The following ST6GALNAC5 variants were observed in gnomAD, a reference collection of about 807,000 sequenced individuals.
ST6GALNAC5 encodes alpha-N-acetylgalactosaminide alpha-2,6-sialyltransferase 5.
Under a neutral mutation model 33.6 loss-of-function variants are expected in ST6GALNAC5, and 27 were observed. The ratio of observed to expected loss-of-function variants is 0.80; its 90% CI spans 0.59 to 1.11. The LOEUF (loss-of-function observed/expected upper bound fraction) is 1.11, where lower values mean the gene tolerates loss of function less well. Among genes scored for constraint, ST6GALNAC5 ranks in the 50% least tolerant of loss-of-function variants. The probability of loss-of-function intolerance (pLI) is 0.00; values close to 1 mark genes in which losing one functional copy is unlikely to be tolerated. For missense variants in ST6GALNAC5, 428 were observed against 454.0 expected (o/e 0.94, Z 0.52); for synonymous variants, 194 against 171.2 (o/e 1.13, Z -1.04).
chr1:76,979,444 A>G (rs1237806664), intron 2 of ST6GALNAC5, among the ~76,000 whole-genome samples: 1 of 152,240 alleles, frequency 6.6e-6, no homozygotes, highest in African/African-American at 2.4e-5. Flanking sequence ...AGAATAATGA[A>G]ACAGAATAGA....
intron 2 of ST6GALNAC5, among the ~76,000 whole-genome samples, chr1:76,992,519 G>A (rs967697971): frequency 3.3e-5 from 5 of 151,650 alleles, no homozygotes; most frequent in African/African-American, 4.9e-5. Flanking sequence ...ATTTGAGACC[G>A]GTTCTGGCTC....
chr1:76,995,140 G>A (rs1649879803), intron 2 of ST6GALNAC5, among the ~76,000 whole-genome samples: 1 of 152,144 alleles, frequency 6.6e-6, no homozygotes, highest in South Asian at 2.1e-4. Context: ...GCTCACACCT[G>A]TAATCCCAGC....
chr1:77,053,662 A>G (rs1652300069), intron 4 of ST6GALNAC5, among the ~76,000 whole-genome samples: 1 of 152,200 alleles, frequency 6.6e-6, no homozygotes, highest in Non-Finnish European at 1.5e-5. Context: ...GACAATTATC[A>G]TATAAACTCT....
intron 2 of ST6GALNAC5, among the ~76,000 whole-genome samples, chr1:76,879,973 A>G (rs1002264903): frequency 2.6e-5 from 4 of 152,080 alleles, no homozygotes; most frequent in Non-Finnish European, 5.9e-5. Context: ...GTTTTCCACA[A>G]TTTCAGCTCT....
intron 2 of ST6GALNAC5, among the ~76,000 whole-genome samples, chr1:76,922,928 C>T (rs1486156305): frequency 1.4e-5 from 2 of 147,442 alleles, no homozygotes; most frequent in Non-Finnish European, 3.0e-5. Flanking sequence ...AGAGTGAAAC[C>T]TTGCCTCAAA....
intron 3 of ST6GALNAC5, 77 bp downstream of exon 3, chr1:77,044,690 T>G (rs562374810): frequency 6.7e-7 from 1 of 1,491,888 alleles, no homozygotes; most frequent in Admixed American, 2.3e-5. Flanking sequence ...AAAGCAAAGC[T>G]TTTGCTACAG....
At chr1:77,028,743 C>T (rs1570114013) in intron 2 of ST6GALNAC5, among the ~76,000 whole-genome samples, 1 of 152,092 alleles carries the variant, frequency 6.6e-6, no homozygotes, top group Admixed American at 6.5e-5. Context: ...TTTATGAGCT[C>T]GGGTCTAGCA....
chr1:76,947,344 A>T (rs1046357556), intron 2 of ST6GALNAC5, among the ~76,000 whole-genome samples: 2 of 152,172 alleles, frequency 1.3e-5, no homozygotes, highest in Non-Finnish European at 2.9e-5. Flanking sequence ...ATAATTATTT[A>T]AAAATGACAG....
chr1:76,999,274 T>G (rs1650053351), intron 2 of ST6GALNAC5, among the ~76,000 whole-genome samples: 1 of 152,208 alleles, frequency 6.6e-6, no homozygotes, highest in South Asian at 2.1e-4. Context: ...ATCCTTTAAA[T>G]GGCCAATATC....
At chr1:76,892,607 A>G (rs866459726) in intron 2 of ST6GALNAC5, among the ~76,000 whole-genome samples, 12 of 152,232 alleles carry the variant, frequency 7.9e-5, no homozygotes, top group Middle Eastern at 3.2e-3. Flanking sequence ...AAAACATTGC[A>G]TGTCTAAGGT....
chr1:77,008,035 A>G (rs1179314025), intron 2 of ST6GALNAC5, among the ~76,000 whole-genome samples: 1 of 152,182 alleles, frequency 6.6e-6, no homozygotes, highest in Admixed American at 6.5e-5. Flanking sequence ...GTTTAATCCT[A>G]TGGGAGTAGA....
At chr1:77,056,907 CA>C (rs1374623779) in intron 4 of ST6GALNAC5, among the ~76,000 whole-genome samples, 3 of 152,004 alleles carry the variant, frequency 2.0e-5, no homozygotes, top group African/African-American at 7.3e-5. Flanking sequence ...ATCCAAGGAC[CA>C]GAAATCAAGG....
chr1:76,885,370 A>G (rs567040038), intron 2 of ST6GALNAC5, among the ~76,000 whole-genome samples: 232 of 152,334 alleles, frequency 1.5e-3, no homozygotes, highest in African/African-American at 5.2e-3. Flanking sequence ...GAGGAAAGTT[A>G]CAATTATTCA....
At chr1:76,949,708 A>G (rs943528982) in intron 2 of ST6GALNAC5, among the ~76,000 whole-genome samples, 13 of 152,020 alleles carry the variant, frequency 8.6e-5, no homozygotes, top group African/African-American at 2.9e-4. Flanking sequence ...AGGTTGATCA[A>G]CTCGAGAGGC....
At chr1:76,955,351 C>G (rs1197492823) in intron 2 of ST6GALNAC5, among the ~76,000 whole-genome samples, 1 of 152,078 alleles carries the variant, frequency 6.6e-6, no homozygotes, top group Non-Finnish European at 1.5e-5. Flanking sequence ...TCCTCTTACT[C>G]TAAAAATCTG....
At chr1:77,058,729 A>T (rs1303138946) in intron 4 of ST6GALNAC5, among the ~76,000 whole-genome samples, 1 of 152,200 alleles carries the variant, frequency 6.6e-6, no homozygotes, top group African/African-American at 2.4e-5. Context: ...AGGACTAAAT[A>T]AGTGAGTGTA....
At chr1:76,929,135 A>G (rs1647112753) in intron 2 of ST6GALNAC5, among the ~76,000 whole-genome samples, 1 of 152,106 alleles carries the variant, frequency 6.6e-6, no homozygotes, top group Admixed American at 6.6e-5. Context: ...GTGAGTTACA[A>G]TCTCATGAAA....
intron 2 of ST6GALNAC5, among the ~76,000 whole-genome samples, chr1:77,038,888 G>T (rs2100456351): frequency 6.6e-6 from 1 of 152,286 alleles, no homozygotes. Flanking sequence ...GGTTTTTGTT[G>T]TTGTTGCTGG....
At chr1:76,938,476 A>G (rs1280026542) in intron 2 of ST6GALNAC5, among the ~76,000 whole-genome samples, 1 of 152,072 alleles carries the variant, frequency 6.6e-6, no homozygotes, top group Non-Finnish European at 1.5e-5. Context: ...AAGAGAAGAG[A>G]CTAAATAGAA....
Sources: allele counts gnomAD v4.1 joint callset (sites outside exome capture counted in the v4.1 genomes callset), GRCh38; gene constraint gnomAD v4.1.1; transcripts MANE v1.5; gene names NCBI Gene and HGNC (gene_info 2026-07-23, HGNC 2026-07-21).